CNOT2: variants seen among roughly 807,000 people sequenced by gnomAD.
CNOT2 encodes the protein CCR4-NOT transcription complex subunit 2, also known as CC chemokine receptor 4-negative regulator of transcription 2.
In CNOT2, 7 loss-of-function variants were observed where a neutral mutation model predicts 72.1. The ratio of observed to expected loss-of-function variants is 0.10; its 90% confidence interval spans 0.06 to 0.18. The LOEUF (loss-of-function observed/expected upper bound fraction) is 0.18. Among genes scored for constraint, CNOT2 ranks in the 10% least tolerant of loss-of-function variants. CNOT2 has a pLI of 1.00. For missense variants in CNOT2, 345 were observed against 660.3 expected (o/e 0.52, Z 5.23); for synonymous variants, 196 against 225.6 (o/e 0.87, Z 1.17).
chr12:70,298,940 A>C (rs1343735785), intron 2 of CNOT2, among the ~76,000 whole-genome samples: 1 of 152,188 alleles, frequency 6.6e-6, no homozygotes, highest in Non-Finnish European at 1.5e-5. Flanking sequence ...AGTAGAATTG[A>C]GGGGAAGAAG....
intron 1 of CNOT2, among the ~76,000 whole-genome samples, chr12:70,273,593 C>G (rs1868333494): frequency 1.3e-5 from 2 of 152,130 alleles, no homozygotes; most frequent in East Asian, 1.9e-4. Flanking sequence ...ATTTCAGACC[C>G]CAGTTTTATT....
intron 1 of CNOT2, among the ~76,000 whole-genome samples, chr12:70,254,417 A>C (rs1168623348): frequency 6.6e-6 from 1 of 152,140 alleles, no homozygotes; most frequent in African/African-American, 2.4e-5. Context: ...CCCAGGTGGG[A>C]TGGAGCGGGA....
At chr12:70,254,311 C>A (rs529369992) in intron 1 of CNOT2, among the ~76,000 whole-genome samples, 75 of 151,860 alleles carry the variant, frequency 4.9e-4, no homozygotes, top group African/African-American at 1.5e-3. Context: ...CAAAACACCT[C>A]TTGTACTGTA....
At chr12:70,341,432 C>T (rs571191024) in intron 11 of CNOT2, among the ~76,000 whole-genome samples, 1 of 152,090 alleles carries the variant, frequency 6.6e-6, no homozygotes, top group Non-Finnish European at 1.5e-5. Context: ...CAGATCTGAC[C>T]ACCTTAATGA....
chr12:70,258,016 T>C (rs1219293086), intron 1 of CNOT2, among the ~76,000 whole-genome samples: 3 of 152,244 alleles, frequency 2.0e-5, no homozygotes, highest in Admixed American at 2.0e-4. Context: ...TTCAAAGTTA[T>C]AAACTGATAA....
At chr12:70,339,068 G>GCACA (rs1331294124) in intron 11 of CNOT2, among the ~76,000 whole-genome samples, 1 of 123,932 alleles carries the variant, frequency 8.1e-6, no homozygotes, top group East Asian at 4.2e-4. Flanking sequence ...ATGTATATAT[G>GCACA]TGTGTGTGTA....
chr12:70,342,580 T>C (rs1459099369), intron 13 of CNOT2, among the ~76,000 whole-genome samples: 1 of 152,206 alleles, frequency 6.6e-6, no homozygotes. Flanking sequence ...AATCTTATTT[T>C]ATGACCTTAC....
At chr12:70,257,507 C>T (rs891705847) in intron 1 of CNOT2, among the ~76,000 whole-genome samples, 5 of 151,768 alleles carry the variant, frequency 3.3e-5, no homozygotes, top group Admixed American at 6.6e-5. Flanking sequence ...ACTACAGGTG[C>T]CTGCCACTGT....
At chr12:70,243,715 T>G in intron 1 of CNOT2, 1 of 114,812 alleles carries the variant, frequency 8.7e-6, no homozygotes, top group African/African-American at 3.4e-5. Context: ...GGAGGGGGTG[T>G]GTATGGGGGT....
intron 2 of CNOT2, among the ~76,000 whole-genome samples, chr12:70,285,866 T>C (rs1870803127): frequency 6.6e-6 from 1 of 152,018 alleles, no homozygotes; most frequent in Admixed American, 6.6e-5. Flanking sequence ...CAGTTTGAAA[T>C]TGGGAGAGAT....
Position 70,251,206 on chromosome 12 carries a change from G to A in CNOT2, c.-96+7726G>A, listed in dbSNP as rs529161075. On this transcript the variant is annotated intron_variant, in intron 1 of 15. Coordinates refer to ENST00000229195, the MANE Select transcript of CNOT2 (RefSeq NM_014515.7). ...CTGTGCACTATTATAGTTGCACTGC[G>A]TAATTCCTCAAGTTAAATTTTTGTC... Among the ~76,000 whole-genome samples, 9 of 152,232 alleles carry A rather than the reference G, an allele frequency of 5.9e-5. No individual in the cohort carries two copies. In the East Asian group the frequency reaches 1.7e-3, roughly 29 times the overall value.
At chr12:70,275,210 T>C (rs1166734293) in intron 1 of CNOT2, among the ~76,000 whole-genome samples, 1 of 152,126 alleles carries the variant, frequency 6.6e-6, no homozygotes, top group Non-Finnish European at 1.5e-5. Context: ...TGATTTGCAT[T>C]GTTTCTGATG....
chr12:70,334,028 A>T (rs1880325123), intron 7 of CNOT2, among the ~76,000 whole-genome samples: 1 of 152,020 alleles, frequency 6.6e-6, no homozygotes, highest in South Asian at 2.1e-4. Context: ...TTAACTAAGC[A>T]TATTTTATGC....
At chr12:70,311,899 C>T (rs1250911468) in intron 3 of CNOT2, among the ~76,000 whole-genome samples, 1 of 151,942 alleles carries the variant, frequency 6.6e-6, no homozygotes, top group African/African-American at 2.4e-5. Flanking sequence ...AACAAATGCC[C>T]TTGTTTTTCT....
At chr12:70,326,326 C>T (rs1879067211) in intron 4 of CNOT2, among the ~76,000 whole-genome samples, 1 of 151,608 alleles carries the variant, frequency 6.6e-6, no homozygotes, top group African/African-American at 2.4e-5. Context: ...GATAAGTGCC[C>T]AATAAATTTT....
chr12:70,256,683 A>G (rs968338150), intron 1 of CNOT2, among the ~76,000 whole-genome samples: 1 of 152,050 alleles, frequency 6.6e-6, no homozygotes, highest in African/African-American at 2.4e-5. Flanking sequence ...CCAAGCCTAT[A>G]ACCTAGAGAA....
At chr12:70,338,228 C>T in intron 9 of CNOT2, 1 of 382,244 alleles carries the variant, frequency 2.6e-6, no homozygotes, top group Non-Finnish European at 4.6e-6. Flanking sequence ...CCCTTGATTT[C>T]TTTTTCTTTA....
chr12:70,277,677 G>A (rs188860605), intron 1 of CNOT2, among the ~76,000 whole-genome samples: 1 of 152,262 alleles, frequency 6.6e-6, no homozygotes, highest in East Asian at 1.9e-4. Context: ...GAATGAATCG[G>A]TAGCTGTGTG....
intron 4 of CNOT2, 26 bp downstream of exon 4, chr12:70,319,390 A>T (rs2135985270): frequency 6.2e-7 from 1 of 1,600,558 alleles, no homozygotes; most frequent in South Asian, 1.1e-5. Context: ...TTATTCTGGG[A>T]TACTTTATTT....
Sources: allele counts gnomAD v4.1 joint callset (sites outside exome capture counted in the v4.1 genomes callset), GRCh38; gene constraint gnomAD v4.1.1; transcripts MANE v1.5; gene names NCBI Gene and HGNC (gene_info 2026-07-23, HGNC 2026-07-21).